UBQLN1: variants seen among roughly 807,000 people sequenced by gnomAD.
The protein encoded by UBQLN1 is ubiquilin-1.
A neutral mutation model predicts 65.4 loss-of-function variants in UBQLN1; 13 were observed. The observed-to-expected ratio is 0.20, with a 90% CI of 0.13 to 0.32. The LOEUF (loss-of-function observed/expected upper bound fraction) is 0.32, where lower values mean the gene tolerates loss of function less well. Ranked by LOEUF, UBQLN1 falls within the 10% of genes least tolerant of loss-of-function variation. The pLI, the probability that UBQLN1 is intolerant of heterozygous loss-of-function variation, is 1.00. For synonymous variants in UBQLN1, 267 were observed against 247.8 expected (o/e 1.08, Z -0.73); for missense variants, 561 against 724.0 (o/e 0.77, Z 2.58).
intron 6 of UBQLN1, among the ~76,000 whole-genome samples, chr9:83,673,663 A>C (rs926617260): frequency 1.6e-4 from 24 of 152,234 alleles, no homozygotes; most frequent in African/African-American, 5.8e-4. Flanking sequence ...AACTATATGA[A>C]ATTCAAATTT....
intron 7 of UBQLN1, 78 bp from the exon 8 acceptor site, chr9:83,666,511 C>T (rs927071625): frequency 6.6e-5 from 93 of 1,414,150 alleles, no homozygotes; most frequent in Middle Eastern, 1.8e-4. Context: ...TCTATCTTCC[C>T]CCAAGTGCCT....
chr9:83,665,626 C>T (rs977537943), intron 8 of UBQLN1, among the ~76,000 whole-genome samples: 1 of 152,164 alleles, frequency 6.6e-6, no homozygotes, highest in African/African-American at 2.4e-5. Context: ...TTTAGCTTTA[C>T]TACTTCCAAA....
chr9:83,667,918 TTA>T, intron 7 of UBQLN1: 4 of 981,924 alleles, frequency 4.1e-6, no homozygotes, highest in Non-Finnish European at 4.8e-6. Context: ...ACATTTTGTT[TTA>T]GAGTAAAAAA....
intron 3 of UBQLN1, 68 bp downstream of exon 3, chr9:83,682,883 C>A: frequency 2.7e-6 from 2 of 737,342 alleles, no homozygotes; most frequent in Non-Finnish European, 2.1e-6. Context: ...CTCATTTTAT[C>A]TGAAACTACC....
At chr9:83,682,289 A>AATAT (rs71365321) in intron 3 of UBQLN1, among the ~76,000 whole-genome samples, 19 of 150,010 alleles carry the variant, frequency 1.3e-4, no homozygotes, top group African/African-American at 2.2e-4. Context: ...TGTCTCAAAA[A>AATAT]ATATATATAT....
chr9:83,681,582 G>T (rs1209180789), intron 3 of UBQLN1, among the ~76,000 whole-genome samples: 1 of 151,902 alleles, frequency 6.6e-6, no homozygotes, highest in African/African-American at 2.4e-5. Context: ...GTTAGGAGGG[G>T]GACTGAATAC....
chr9:83,696,824 G>A (rs1025014082), intron 1 of UBQLN1, among the ~76,000 whole-genome samples: 7 of 152,304 alleles, frequency 4.6e-5, no homozygotes, highest in Non-Finnish European at 8.8e-5. Flanking sequence ...GTACTCGGGG[G>A]CAGGGGGGCT....
chr9:83,667,438 C>A, intron 7 of UBQLN1: 1 of 943,986 alleles, frequency 1.1e-6, no homozygotes, highest in Non-Finnish European at 1.3e-6. Flanking sequence ...AGAGAAAATT[C>A]GCCCCAATTC....
At position 83,707,833 on chromosome 9, in the gene UBQLN1, G is replaced by A; in HGVS notation, c.-154C>T. On this transcript the variant is annotated 5_prime_UTR_variant, in exon 1 of 11. Coordinates refer to ENST00000376395, the MANE Select transcript of UBQLN1 (RefSeq NM_013438.5). The stretch of plus-strand genomic sequence containing the variant: ...AACGGGCGCAGGGCCACCGTAGCGG[G>A]TGTGGGGCCCCGGAGCTCGGTGCAG... The A allele has an allele frequency of 8.2e-7, 1 of 1,226,404 alleles. No homozygotes were observed. Among genetic ancestry groups the A allele is most frequent in the South Asian group, 1.7e-5 (1 of 59,848 alleles). The allele number at this position is 1,226,404 out of a possible 1,614,324, so 76.0% of individuals were successfully genotyped here. A position where few individuals can be genotyped will look rare whatever the true frequency, so the allele number is the denominator to read the frequency against.
intron 1 of UBQLN1, among the ~76,000 whole-genome samples, chr9:83,701,374 T>C (rs1832306861): frequency 6.6e-6 from 1 of 152,130 alleles, no homozygotes; most frequent in South Asian, 2.1e-4. Flanking sequence ...CCTTAAAGAC[T>C]CTAGCCAAGT....
At chr9:83,670,071 C>A (rs117183060) in intron 6 of UBQLN1, among the ~76,000 whole-genome samples, 1 of 152,242 alleles carries the variant, frequency 6.6e-6, no homozygotes, top group Non-Finnish European at 1.5e-5. Flanking sequence ...AGGGCTACAG[C>A]TGAATTTATG....
At chr9:83,675,078 G>A (rs1428663914) in intron 6 of UBQLN1, among the ~76,000 whole-genome samples, 1 of 152,188 alleles carries the variant, frequency 6.6e-6, no homozygotes, top group East Asian at 1.9e-4. Flanking sequence ...GAGTATCAAT[G>A]AGGAGCACTG....
chr9:83,686,944 C>A lies in UBQLN1; in HGVS notation c.181-789G>T, dbSNP rs147884186. Among the ~76,000 whole-genome samples the A allele has an allele frequency of 9.0e-3, 1,369 of 151,866 alleles. 9 individuals carry two copies. The highest frequency in any genetic ancestry group is 0.024 in the Middle Eastern group (7 of 292). ...AAAAAAAGAAAAAAAAATCTGAAAT[C>A]TGAGACACTTCTGGTCCCAAGTCTG... is the stretch of plus-strand genomic sequence containing the variant. On this transcript the variant is annotated intron_variant, in intron 1 of 10. Coordinates refer to ENST00000376395, the MANE Select transcript of UBQLN1 (RefSeq NM_013438.5).
At position 83,671,765 on chromosome 9, in the gene UBQLN1, T is replaced by C. The variant is rs191256489; in HGVS notation, c.1106-2438A>G. On this transcript the variant is annotated intron_variant, in intron 6 of 10. Coordinates refer to ENST00000376395, the MANE Select transcript of UBQLN1 (RefSeq NM_013438.5). ...GATTACTGGAATAATAAATGAGCAC[T>C]GGCTTCAACTCAGTCACCAGACACA... is the stretch of plus-strand genomic sequence containing the variant. Among the ~76,000 whole-genome samples, 244 of 152,342 alleles carry C rather than the reference T, an allele frequency of 1.6e-3. 1 individual carries two copies. The highest frequency in any genetic ancestry group is 5.5e-3 in the African/African-American group (229 of 41,564).
At chr9:83,698,027 T>C (rs77969318) in intron 1 of UBQLN1, among the ~76,000 whole-genome samples, 14,609 of 152,182 alleles carry the variant, frequency 0.096, 923 homozygotes, top group Non-Finnish European at 0.13. Flanking sequence ...TGAGCCACCA[T>C]GCCTGGCCAG....
chr9:83,662,797 G>C (rs146845435), intron 10 of UBQLN1, among the ~76,000 whole-genome samples: 42 of 152,358 alleles, frequency 2.8e-4, no homozygotes, highest in Middle Eastern at 6.8e-3. Flanking sequence ...AAAACAGAAA[G>C]CAGGCCAGGC....
intron 6 of UBQLN1, among the ~76,000 whole-genome samples, chr9:83,671,457 G>A (rs887343150): frequency 6.6e-6 from 1 of 152,096 alleles, no homozygotes. Flanking sequence ...TCCATGGGCT[G>A]CATGCAGAAT....
chr9:83,679,968 C>T lies in UBQLN1; in HGVS notation c.518G>A (p.Ser173Asn). The T allele has an allele frequency of 6.2e-7, 1 of 1,614,184 alleles. No individual in the cohort carries two copies. Among genetic ancestry groups the T allele is most frequent in the Non-Finnish European group, 8.5e-7 (1 of 1,180,036 alleles). ...AGACAAAAGTTGTCGCTGCATCTGA[C>T]TCTGTAGTTCAGAGAAGTTGGTAGT... is the stretch of plus-strand genomic sequence containing the variant. ...LNTTNFSELQ[S>N]QMQRQLLSNP... The change falls in exon 4 of 11, where the codon AGT (serine) becomes AAT (asparagine). Residue 173 changes from serine to asparagine, a missense_variant. By Grantham distance (46) the Ser-to-Asn change is conservative (BLOSUM62 1). Coordinates refer to ENST00000376395, the MANE Select transcript of UBQLN1 (RefSeq NM_013438.5).
intron 1 of UBQLN1, among the ~76,000 whole-genome samples, chr9:83,696,866 A>G (rs1279175662): frequency 6.6e-6 from 1 of 152,164 alleles, no homozygotes; most frequent in African/African-American, 2.4e-5. Flanking sequence ...TAATCACAAA[A>G]TATTATCAGA....
Sources: allele counts gnomAD v4.1 joint callset (sites outside exome capture counted in the v4.1 genomes callset), GRCh38; gene constraint gnomAD v4.1.1; transcripts MANE v1.5; gene names NCBI Gene and HGNC (gene_info 2026-07-23, HGNC 2026-07-21).